MYL12A: variants seen among roughly 807,000 people sequenced by gnomAD.
MYL12A encodes myosin light chain 12A.
In MYL12A, 11 loss-of-function variants were observed where a neutral mutation model predicts 13.3. The ratio of observed to expected loss-of-function variants is 0.83; its 90% CI spans 0.52 to 1.37. The LOEUF is 1.37. Among genes scored for constraint, MYL12A ranks in the 40% most tolerant of loss-of-function variants. The pLI, the probability that MYL12A is intolerant of heterozygous loss-of-function variation, is 0.00. For missense variants in MYL12A, 146 were observed against 212.3 expected (o/e 0.69, Z 1.94); for synonymous variants, 51 against 69.9 (o/e 0.73, Z 1.35).
intron 1 of MYL12A, among the ~76,000 whole-genome samples, chr18:3,250,961 A>G (rs1335117065): frequency 6.6e-6 from 1 of 152,196 alleles, no homozygotes; most frequent in African/African-American, 2.4e-5. Context: ...CCCCAACTAT[A>G]TTAAGCTCCT....
In MYL12A at chr18:3,253,933, G is replaced by GCTCCAGGCCCCATCAATTT. The variant is rs1489750226; in HGVS notation, c.228_246dup (p.Thr83SerfsTer15). The GCTCCAGGCCCCATCAATTT allele has an allele frequency of 1.2e-6, 2 of 1,613,434 alleles. No individual in the cohort carries two copies. Among genetic ancestry groups the GCTCCAGGCCCCATCAATTT allele is most frequent in the African/African-American group, 1.3e-5 (1 of 74,944 alleles). ...GTATCTAGATGCCATGATGAATGAGGCTCCAGGCCCCATCAATTTCACCAT... is the reference window on the plus strand; with the variant it reads ...GTATCTAGATGCCATGATGAATGAGGCTCCAGGCCCCATCAATTTCTCCAGGCCCCATCAATTTCACCAT... On this transcript the variant is annotated frameshift_variant, in exon 3 of 4. Transcript: ENST00000217652. LOFTEE classifies it high-confidence loss of function.
At chr18:3,249,753 C>G (rs1567982908) in intron 1 of MYL12A, 2 of 152,086 alleles carry the variant, frequency 1.3e-5, no homozygotes, top group African/African-American at 4.8e-5. Flanking sequence ...ACTAAAAATA[C>G]AAAAATTAGC....
intron 1 of MYL12A, 173 bp downstream of exon 1, chr18:3,248,082 C>T (rs1051329493): frequency 6.6e-6 from 1 of 152,228 alleles, no homozygotes; most frequent in Non-Finnish European, 1.5e-5. Flanking sequence ...CAGACCCGAA[C>T]TTCGCTCCTG....
chr18:3,253,498 G>A, intron 2 of MYL12A, 70 bp downstream of exon 2: 3 of 1,545,188 alleles, frequency 1.9e-6, no homozygotes, highest in Non-Finnish European at 1.8e-6. Flanking sequence ...GATTTCATGA[G>A]TCTTAAAGCT....
chr18:3,252,509 T>C (rs2081496071), intron 1 of MYL12A: 4 of 1,233,984 alleles, frequency 3.2e-6, no homozygotes, highest in Non-Finnish European at 4.3e-6. Context: ...AGTTTCTACG[T>C]TTAAGATGTT....
At chr18:3,249,280 T>G (rs369383208) in intron 1 of MYL12A, 2 of 152,218 alleles carry the variant, frequency 1.3e-5, no homozygotes, top group African/African-American at 4.8e-5. Context: ...GGAAAGCCAC[T>G]TTGAGAATCT....
At chr18:3,249,279 CTT>C (rs2081460832) in intron 1 of MYL12A, 1 of 152,140 alleles carries the variant, frequency 6.6e-6, no homozygotes, top group South Asian at 2.1e-4. Context: ...GGGAAAGCCA[CTT>C]TGAGAATCTC....
chr18:3,253,502 T>C (rs2081507908), intron 2 of MYL12A, 74 bp downstream of exon 2: 3 of 1,506,178 alleles, frequency 2.0e-6, no homozygotes, highest in East Asian at 4.5e-5. Context: ...TCATGAGTCT[T>C]AAAGCTCTGT....
chr18:3,251,857 C>T (rs1408826510), intron 1 of MYL12A, among the ~76,000 whole-genome samples: 1 of 152,066 alleles, frequency 6.6e-6, no homozygotes. Context: ...AGTTGCCATA[C>T]GGTGCTGTAT....
chr18:3,252,564 CTGTT>C, intron 1 of MYL12A: 1 of 963,122 alleles, frequency 1.0e-6, no homozygotes, highest in Non-Finnish European at 1.4e-6. Flanking sequence ...GCTCTGATTT[CTGTT>C]TAGAGATCTT....
chr18:3,253,533 A>G (rs1281107498), intron 2 of MYL12A, 105 bp downstream of exon 2: 2 of 1,374,176 alleles, frequency 1.5e-6, no homozygotes, highest in Non-Finnish European at 2.0e-6. Context: ...TAATGAGTCT[A>G]CTAAGGTTTG....
chr18:3,255,505 C>A, intron 3 of MYL12A: 1 of 396,226 alleles, frequency 2.5e-6, no homozygotes, highest in Non-Finnish European at 4.4e-6. Flanking sequence ...AGATCAGAAG[C>A]TGAATGTGGA....
chr18:3,251,096 T>C (rs903495546), intron 1 of MYL12A, among the ~76,000 whole-genome samples: 3 of 151,352 alleles, frequency 2.0e-5, no homozygotes, highest in African/African-American at 7.3e-5. Flanking sequence ...AAGTATTGAA[T>C]GTGCTGAAGA....
chr18:3,253,428 G>T lies in MYL12A; in HGVS notation c.181G>T (p.Gly61Trp). 3 of 1,611,894 alleles carry T rather than the reference G, an allele frequency of 1.9e-6. No individual in the cohort carries two copies. The highest frequency in any genetic ancestry group is 2.5e-6 in the Non-Finnish European group (3 of 1,178,884). ...TTTGCATGATATGCTTGCTTCATTG[G>T]GTAATGCTCAGTTTAAATATTAATC... ...EDLHDMLASL[G>W]KNPTDEYLDA... The change falls in exon 2 of 4, where the codon GGG becomes TGG. Residue 61 changes from glycine (G) to tryptophan (W), a missense_variant and splice_region_variant. Transcript: ENST00000217652.
intron 1 of MYL12A, among the ~76,000 whole-genome samples, chr18:3,251,824 A>G (rs1019140043): frequency 5.3e-5 from 8 of 152,196 alleles, no homozygotes; most frequent in Non-Finnish European, 1.2e-4. Context: ...TATGTAGGAT[A>G]TATCTTTTCA....
intron 1 of MYL12A, 169 bp downstream of exon 1, chr18:3,248,078 C>T (rs1598794155): frequency 1.3e-5 from 2 of 152,292 alleles, no homozygotes; most frequent in South Asian, 4.1e-4. Flanking sequence ...GGCCCAGACC[C>T]GAACTTCGCT....
intron 1 of MYL12A, among the ~76,000 whole-genome samples, chr18:3,251,208 G>A (rs376004199): frequency 7.3e-5 from 11 of 151,306 alleles, no homozygotes; most frequent in African/African-American, 1.2e-4. Flanking sequence ...TCAAAAAAGT[G>A]CGTGATTAAA....
chr18:3,252,853 C>T (rs2081499493), intron 1 of MYL12A, among the ~76,000 whole-genome samples: 1 of 152,226 alleles, frequency 6.6e-6, no homozygotes, highest in Non-Finnish European at 1.5e-5. Flanking sequence ...CTTCACCTTT[C>T]TGTCCACCGT....
rs915711021 is a variant in MYL12A, at chr18:3,247,843, A to T, written c.-82A>T. ...GGTGGTTTTTAGCGGCTCTCTGGGT[A>T]GCAGGGTGGTGTGATAGCGGCAGCG... is the stretch of plus-strand genomic sequence containing the variant. On this transcript the variant is annotated 5_prime_UTR_variant, in exon 1 of 4. Transcript: ENST00000217652. The T allele has an allele frequency of 6.6e-6, 1 of 152,172 alleles. No individual in the cohort carries two copies. 9.4% of individuals were successfully genotyped at this position (152,172 alleles called of 1,614,324 possible).
Sources: gnomAD v4.1 joint callset for allele counts (sites outside exome capture counted in the v4.1 genomes callset) on GRCh38, gnomAD v4.1.1 for gene constraint, MANE v1.5 for transcripts, NCBI Gene and HGNC (gene_info 2026-07-23, HGNC 2026-07-21) for gene names.